Variants in XKR4 observed in about 807,000 individuals in gnomAD.
XKR4 encodes the protein XK-related protein 4.
A neutral mutation model predicts 53.9 loss-of-function variants in XKR4; 12 were observed. That is an observed-to-expected ratio of 0.22 (90% confidence interval 0.14 to 0.36). XKR4 has a LOEUF of 0.36. Among genes scored for constraint, XKR4 ranks in the 10% least tolerant of loss-of-function variants. XKR4 has a pLI of 1.00. For missense variants in XKR4, 799 were observed against 859.5 expected (o/e 0.93, Z 0.88); for synonymous variants, 354 against 362.4 (o/e 0.98, Z 0.26).
intron 1 of XKR4, among the ~76,000 whole-genome samples, chr8:55,128,475 C>T (rs1461417412): frequency 1.3e-5 from 2 of 152,148 alleles, no homozygotes; most frequent in African/African-American, 2.4e-5. Flanking sequence ...AATGGTCATT[C>T]ATGTGTCTCT....
chr8:55,212,878 T>G (rs1174230276), intron 1 of XKR4, among the ~76,000 whole-genome samples: 1 of 152,168 alleles, frequency 6.6e-6, no homozygotes, highest in South Asian at 2.1e-4. Context: ...TTAAAGAGTA[T>G]AGGAATTATT....
At chr8:55,257,292 G>A (rs534061494) in intron 1 of XKR4, among the ~76,000 whole-genome samples, 1 of 152,242 alleles carries the variant, frequency 6.6e-6, no homozygotes, top group East Asian at 1.9e-4. Flanking sequence ...AGGGCATCAA[G>A]TGAGTTCATA....
rs62516981 is a variant in XKR4, at chr8:55,157,758, A to G, written c.806+54464A>G. ...ACTCAATGTTTAGCTCCCACTTACA[A>G]GTGAGAACATGCAGTATTTGGTTTT... On this transcript the variant is annotated intron_variant, in intron 1 of 2. Coordinates refer to ENST00000327381, the MANE Select transcript of XKR4 (RefSeq NM_052898.2). Among the ~76,000 whole-genome samples, 1,446 of 152,292 alleles carry G rather than the reference A, an allele frequency of 9.5e-3. 22 individuals carry two copies. The highest frequency in any genetic ancestry group is 0.025 in the South Asian group (122 of 4,820).
chr8:55,161,476 G>A, intron 1 of XKR4: 3 of 453,734 alleles, frequency 6.6e-6, no homozygotes, highest in Admixed American at 4.7e-5. Flanking sequence ...GGGCTGGGCA[G>A]TGATGGGTCC....
At chr8:55,163,511 C>T (rs772348319) in intron 1 of XKR4, among the ~76,000 whole-genome samples, 3 of 152,108 alleles carry the variant, frequency 2.0e-5, no homozygotes, top group Non-Finnish European at 4.4e-5. Flanking sequence ...TGTTCCATAG[C>T]TCAGATAAAC....
At chr8:55,299,345 C>G (rs1042021289) in intron 1 of XKR4, among the ~76,000 whole-genome samples, 2 of 152,130 alleles carry the variant, frequency 1.3e-5, no homozygotes, top group Non-Finnish European at 2.9e-5. Context: ...AACAAGGCTC[C>G]GTGTGACCTC....
At chr8:55,169,236 C>G (rs895494550) in intron 1 of XKR4, among the ~76,000 whole-genome samples, 4 of 152,216 alleles carry the variant, frequency 2.6e-5, no homozygotes, top group Non-Finnish European at 5.9e-5. Flanking sequence ...TATCTTATTT[C>G]CCTTACCTCT....
chr8:55,506,926 A>T (rs1287683577), intron 2 of XKR4, among the ~76,000 whole-genome samples: 1 of 152,086 alleles, frequency 6.6e-6, no homozygotes, highest in South Asian at 2.1e-4. Context: ...GAATTATTTA[A>T]CTCATTAAAT....
chr8:55,474,760 A>G (rs1805948191), intron 2 of XKR4, among the ~76,000 whole-genome samples: 1 of 152,148 alleles, frequency 6.6e-6, no homozygotes, highest in Admixed American at 6.5e-5. Flanking sequence ...TCCCTCACAC[A>G]GAGTGCTGGA....
At chr8:55,483,785 G>A (rs553894469) in intron 2 of XKR4, among the ~76,000 whole-genome samples, 26 of 151,462 alleles carry the variant, frequency 1.7e-4, no homozygotes, top group Non-Finnish European at 2.2e-4. Flanking sequence ...AGTAGAAAGG[G>A]AACAGCAAAA....
intron 1 of XKR4, among the ~76,000 whole-genome samples, chr8:55,243,206 A>G (rs537302877): frequency 3.3e-5 from 5 of 152,182 alleles, no homozygotes; most frequent in Non-Finnish European, 5.9e-5. Context: ...CCCAGAGTCC[A>G]TAGTTTACCT....
intron 1 of XKR4, among the ~76,000 whole-genome samples, chr8:55,220,928 C>CTATGTTCGTGGTACATATA (rs1817872845): frequency 1.3e-5 from 2 of 152,202 alleles, no homozygotes; most frequent in Non-Finnish European, 2.9e-5. Flanking sequence ...GCAGGCTCCA[C>CTATGTTCGTGGTACATATA]GTTCGTGGTA....
chr8:55,470,903 C>A (rs1289647355), intron 2 of XKR4, among the ~76,000 whole-genome samples: 1 of 152,104 alleles, frequency 6.6e-6, no homozygotes, highest in Non-Finnish European at 1.5e-5. Context: ...CTCAGGTCCA[C>A]CTGATTTCAA....
At chr8:55,494,163 G>A (rs1247737123) in intron 2 of XKR4, among the ~76,000 whole-genome samples, 2 of 152,240 alleles carry the variant, frequency 1.3e-5, no homozygotes, top group Non-Finnish European at 2.9e-5. Flanking sequence ...CTGCAGGGTG[G>A]GCAGCTCCAG....
chr8:55,233,149 T>C (rs566353599), intron 1 of XKR4, among the ~76,000 whole-genome samples: 8 of 152,168 alleles, frequency 5.3e-5, no homozygotes, highest in Admixed American at 5.2e-4. Flanking sequence ...GGGAATTCAT[T>C]ATAAGGACAC....
intron 1 of XKR4, among the ~76,000 whole-genome samples, chr8:55,230,715 A>G (rs1186138456): frequency 6.6e-6 from 1 of 152,200 alleles, no homozygotes; most frequent in East Asian, 1.9e-4. Flanking sequence ...ATCTCATAAT[A>G]GAGGAAAAAC....
At chr8:55,191,555 T>G (rs1817444017) in intron 1 of XKR4, among the ~76,000 whole-genome samples, 1 of 152,208 alleles carries the variant, frequency 6.6e-6, no homozygotes, top group Non-Finnish European at 1.5e-5. Flanking sequence ...GGATATGGCT[T>G]TAATGTCTAT....
intron 2 of XKR4, among the ~76,000 whole-genome samples, chr8:55,476,065 C>A (rs1184147540): frequency 6.6e-6 from 1 of 152,012 alleles, no homozygotes; most frequent in Non-Finnish European, 1.5e-5. Context: ...ATAATGAGCT[C>A]TTAGTTCACT....
At position 55,382,520 on chromosome 8, in the gene XKR4, C is replaced by A. The variant is rs191080274; in HGVS notation, c.1006+24643C>A. Reference sequence around the variant, plus strand: ...GGTGATTCTTAATGTTGCCAGAGTACTGCAGTGGAACTACTAAAGGAAGGA... The same window carrying A: ...GGTGATTCTTAATGTTGCCAGAGTAATGCAGTGGAACTACTAAAGGAAGGA... On this transcript the variant is annotated intron_variant, in intron 2 of 2. Transcript: ENST00000327381. Among the ~76,000 whole-genome samples the A allele has an allele frequency of 1.5e-3, 232 of 152,180 alleles. 3 individuals carry two copies. The highest frequency in any genetic ancestry group is 3.9e-3 in the African/African-American group (164 of 41,520).
Sources: allele counts gnomAD v4.1 joint callset (sites outside exome capture counted in the v4.1 genomes callset), GRCh38; gene constraint gnomAD v4.1.1; transcripts MANE v1.5; gene names NCBI Gene and HGNC (gene_info 2026-07-23, HGNC 2026-07-21).